CEP70: variants seen among roughly 807,000 people sequenced by gnomAD.
CEP70 encodes centrosomal protein 70, also known as centrosomal protein of 70 kDa.
Under a neutral mutation model 90.9 loss-of-function variants are expected in CEP70, and 70 were observed. The ratio of observed to expected loss-of-function variants is 0.77; its 90% CI spans 0.64 to 0.94. CEP70 has a LOEUF of 0.94. Ranked by LOEUF, CEP70 falls within the 40% of genes least tolerant of loss-of-function variation. CEP70 has a pLI of 0.00. For missense variants in CEP70, 648 were observed against 669.0 expected (o/e 0.97, Z 0.35); for synonymous variants, 220 against 228.3 (o/e 0.96, Z 0.33).
Position 138,571,105 on chromosome 3 carries a change from T to G in CEP70, c.213A>C (p.Lys71Asn). The stretch of plus-strand genomic sequence containing the variant: ...GACATGATGTTTCTTCCACCAACAA[T>G]TTCAAATTCTGTCTCATCCTTTGTG... ...QSSQRMRQNL[K>N]LLVEETSCQQ... The change falls in exon 5 of 18, where the codon AAA (lysine) becomes AAC (asparagine). Residue 71 changes from lysine to asparagine, a missense_variant. Physicochemically the swap from Lys to Asn is moderately conservative, Grantham distance 94. Transcript: ENST00000264982. The G allele has an allele frequency of 6.2e-7, 1 of 1,606,566 alleles. No homozygotes were observed. The highest frequency in any genetic ancestry group is 8.5e-7 in the Non-Finnish European group (1 of 1,174,284).
At chr3:138,500,932 A>G in intron 13 of CEP70, 51 bp from the exon 14 acceptor site, 2 of 883,614 alleles carry the variant, frequency 2.3e-6, no homozygotes, top group African/African-American at 1.8e-5. Context: ...TAATTTCTAT[A>G]GTAACATAAT....
At chr3:138,546,377 A>G (rs1650166593) in intron 6 of CEP70, among the ~76,000 whole-genome samples, 1 of 152,236 alleles carries the variant, frequency 6.6e-6, no homozygotes, top group South Asian at 2.1e-4. Flanking sequence ...TCTTGTCATC[A>G]GCAAGATATC....
intron 7 of CEP70, among the ~76,000 whole-genome samples, chr3:138,536,614 A>G (rs1264574019): frequency 6.6e-6 from 1 of 152,010 alleles, no homozygotes; most frequent in African/African-American, 2.4e-5. Context: ...TTTTGAAACT[A>G]TTTTTATGTA....
chr3:138,559,824 T>A (rs528908413), intron 6 of CEP70, among the ~76,000 whole-genome samples: 57 of 152,200 alleles, frequency 3.7e-4, no homozygotes, highest in Non-Finnish European at 7.1e-4. Flanking sequence ...AGATTGACAA[T>A]TGAATTCTCA....
At chr3:138,580,263 G>A (rs1206970136) in intron 2 of CEP70, among the ~76,000 whole-genome samples, 2 of 152,114 alleles carry the variant, frequency 1.3e-5, no homozygotes, top group Admixed American at 6.5e-5. Context: ...AGTCCCAGTA[G>A]GGCCGGCCAC....
At position 138,575,976 on chromosome 3, in the gene CEP70, A is replaced by G. The variant is rs553977710; in HGVS notation, c.-5-3044T>C. Reference sequence around the variant, plus strand: ...GCACTAAACATGGAAAGGAACAACCAGTACCAGCCACTGCAAAAACATGCC... The same window carrying G: ...GCACTAAACATGGAAAGGAACAACCGGTACCAGCCACTGCAAAAACATGCC... On this transcript the variant is annotated intron_variant, in intron 2 of 17. Transcript: ENST00000264982. Among the ~76,000 whole-genome samples, 858 of 152,328 alleles carry G rather than the reference A, an allele frequency of 5.6e-3. 7 individuals are homozygous for G. Among genetic ancestry groups the G allele is most frequent in the African/African-American group, 0.02 (826 of 41,574 alleles).
chr3:138,527,814 A>G (rs955521204), intron 10 of CEP70, among the ~76,000 whole-genome samples: 1 of 152,024 alleles, frequency 6.6e-6, no homozygotes, highest in Non-Finnish European at 1.5e-5. Flanking sequence ...TGGGCTTCCC[A>G]AAGTGCTGGT....
intron 11 of CEP70, among the ~76,000 whole-genome samples, chr3:138,515,879 A>G (rs2035968562): frequency 6.6e-6 from 1 of 151,960 alleles, no homozygotes; most frequent in South Asian, 2.1e-4. Flanking sequence ...TCAATCTCCT[A>G]TCTCATTAGT....
rs56826450 is a variant in CEP70, at chr3:138,499,783, T to TACACACACACACACACACAC, written c.1652+307_1652+326dup. On this transcript the variant is annotated intron_variant, in intron 16 of 17. Transcript: ENST00000264982. ...GCAACCTTGTCTCTATCTCTCTCTC[T>TACACACACACACACACACAC]ACACACACACACACACACACACAAA... The TACACACACACACACACACAC allele has an allele frequency of 8.7e-3, 1,689 of 193,150 alleles. 29 individuals are homozygous for TACACACACACACACACACAC. The highest frequency in any genetic ancestry group is 0.039 in the African/African-American group (1,598 of 41,448). The allele number at this position is 193,150 out of a possible 1,614,324, so 12.0% of individuals were successfully genotyped here. A position where few individuals can be genotyped will look rare whatever the true frequency, so the allele number is the denominator to read the frequency against.
At chr3:138,538,784 A>G (rs2038504242) in intron 6 of CEP70, among the ~76,000 whole-genome samples, 1 of 151,878 alleles carries the variant, frequency 6.6e-6, no homozygotes, top group African/African-American at 2.4e-5. Flanking sequence ...AGAGGTTTTG[A>G]TTATTGACAT....
rs976855868 is a variant in CEP70, at chr3:138,511,044, T to G, written c.945-2500A>C. Among the ~76,000 whole-genome samples, 3 of 130,576 alleles carry G rather than the reference T, an allele frequency of 2.3e-5. No individual in the cohort carries two copies. In the East Asian group the frequency reaches 6.5e-4, roughly 28 times the overall value. 85.7% of individuals were successfully genotyped at this position (130,576 alleles called of 152,430 possible). A position where few individuals can be genotyped will look rare whatever the true frequency, so the allele number is the denominator to read the frequency against. On this transcript the variant is annotated intron_variant, in intron 11 of 17. Transcript: ENST00000264982. ...CCCAGTTTTTGTTGTTGTTGTTGTTTTTATTTTTAGTAGAAACGGTGTTTT... is the reference window on the plus strand; with the variant it reads ...CCCAGTTTTTGTTGTTGTTGTTGTTGTTATTTTTAGTAGAAACGGTGTTTT...
chr3:138,523,411 A>G (rs931526169), intron 11 of CEP70, among the ~76,000 whole-genome samples: 4 of 152,128 alleles, frequency 2.6e-5, no homozygotes, highest in African/African-American at 4.8e-5. Flanking sequence ...AGGGTATTCA[A>G]TTAGGAAAAG....
chr3:138,560,092 T>C (rs1300829452), intron 6 of CEP70, among the ~76,000 whole-genome samples: 1 of 152,166 alleles, frequency 6.6e-6, no homozygotes, highest in Non-Finnish European at 1.5e-5. Context: ...TAGGAACAGC[T>C]CCAGTCTGCA....
At chr3:138,502,685 A>T (rs2034623637) in intron 13 of CEP70, among the ~76,000 whole-genome samples, 1 of 152,198 alleles carries the variant, frequency 6.6e-6, no homozygotes, top group Non-Finnish European at 1.5e-5. Flanking sequence ...AGTATTACAA[A>T]GCTAAGAAGA....
intron 6 of CEP70, among the ~76,000 whole-genome samples, chr3:138,539,985 T>C (rs1415576429): frequency 2.0e-5 from 3 of 152,200 alleles, no homozygotes; most frequent in African/African-American, 7.2e-5. Flanking sequence ...TAATTAAACT[T>C]AAGAGCTTCT....
At chr3:138,581,694 C>CAA (rs35064874) in intron 2 of CEP70, among the ~76,000 whole-genome samples, 70 of 79,174 alleles carry the variant, frequency 8.8e-4, no homozygotes, top group African/African-American at 1.4e-3. Flanking sequence ...AAACTTGTCT[C>CAA]AAAAAAAAAA....
rs372674878 is a variant in CEP70, at chr3:138,521,388, A to T, written c.944+4102T>A. On this transcript the variant is annotated intron_variant, in intron 11 of 17. Transcript: ENST00000264982. ...GAGCGTCTCTGCCTGGCCGCCCATC[A>T]TCTGGGATGTGAGGAGCCCCTCTGC... Among the ~76,000 whole-genome samples the T allele has an allele frequency of 7.7e-3, 666 of 86,982 alleles. 5 individuals are homozygous for T. Among genetic ancestry groups the T allele is most frequent in the African/African-American group, 0.029 (640 of 22,050 alleles). 57.1% of individuals were successfully genotyped at this position (86,982 alleles called of 152,430 possible). A position where few individuals can be genotyped will look rare whatever the true frequency, so the allele number is the denominator to read the frequency against.
chr3:138,511,268 C>G (rs2035514375), intron 11 of CEP70, among the ~76,000 whole-genome samples: 1 of 152,258 alleles, frequency 6.6e-6, no homozygotes, highest in Admixed American at 6.5e-5. Flanking sequence ...CTTATATTCA[C>G]TCAGTTGCTA....
intron 11 of CEP70, among the ~76,000 whole-genome samples, chr3:138,517,055 G>A (rs1352833540): frequency 6.6e-6 from 1 of 152,192 alleles, no homozygotes; most frequent in African/African-American, 2.4e-5. Context: ...TTTAAAGTGT[G>A]ATAACGCTCA....
Sources: allele counts gnomAD v4.1 joint callset (sites outside exome capture counted in the v4.1 genomes callset), GRCh38; gene constraint gnomAD v4.1.1; transcripts MANE v1.5; gene names NCBI Gene and HGNC (gene_info 2026-07-23, HGNC 2026-07-21).